The following ADAMTSL1 variants were observed in gnomAD, a reference collection of about 807,000 sequenced individuals.
ADAMTSL1 encodes ADAMTS-like protein 1.
A neutral mutation model predicts 201.8 loss-of-function variants in ADAMTSL1; 126 were observed. The ratio of observed to expected loss-of-function variants is 0.62; its 90% CI spans 0.54 to 0.72. The LOEUF (loss-of-function observed/expected upper bound fraction) is 0.72. Ranked by LOEUF, ADAMTSL1 falls within the 30% of genes least tolerant of loss-of-function variation. The pLI, the probability that ADAMTSL1 is intolerant of heterozygous loss-of-function variation, is 0.00. For missense variants in ADAMTSL1, 2,679 were observed against 2,277.8 expected (o/e 1.18, Z -3.59); for synonymous variants, 1,121 against 903.4 (o/e 1.24, Z -4.32).
intron 2 of ADAMTSL1, among the ~76,000 whole-genome samples, chr9:18,265,370 T>A (rs187731541): frequency 6.6e-5 from 10 of 152,334 alleles, no homozygotes; most frequent in Admixed American, 3.3e-4. Flanking sequence ...CAGTGCTTCC[T>A]ATCTATTCCT....
chr9:17,937,089 G>T (rs555918693), intron 1 of ADAMTSL1, among the ~76,000 whole-genome samples: 25 of 152,204 alleles, frequency 1.6e-4, no homozygotes, highest in Middle Eastern at 3.4e-3. Context: ...TGCTGTTGTT[G>T]GTGCCTCATC....
chr9:18,225,630 A>C (rs1563819615), intron 2 of ADAMTSL1, among the ~76,000 whole-genome samples: 1 of 152,152 alleles, frequency 6.6e-6, no homozygotes, highest in African/African-American at 2.4e-5. Context: ...CTTTTAGATA[A>C]CCTTCAGTTA....
At chr9:18,001,384 G>A (rs549468457) in intron 1 of ADAMTSL1, among the ~76,000 whole-genome samples, 4 of 151,680 alleles carry the variant, frequency 2.6e-5, no homozygotes, top group Admixed American at 1.3e-4. Flanking sequence ...TTAGATAAGA[G>A]ATTGGAACTG....
Position 18,039,661 on chromosome 9 carries a change from G to C in ADAMTSL1, c.88-124201G>C, listed in dbSNP as rs1258853422. Among the ~76,000 whole-genome samples the C allele has an allele frequency of 2.0e-5, 3 of 152,156 alleles. No homozygotes were observed. In the East Asian group the frequency reaches 5.8e-4, roughly 29 times the overall value. Reference sequence around the variant, plus strand: ...ATTTAGAAAATTTAGACTGGGAAAAGTCAAGTTAATGCTGTGGAGACATGC... The same window carrying C: ...ATTTAGAAAATTTAGACTGGGAAAACTCAAGTTAATGCTGTGGAGACATGC... On this transcript the variant is annotated intron_variant, in intron 1 of 29. Coordinates refer to the ADAMTSL1 transcript ENST00000680146.
At chr9:18,229,142 C>T (rs1159219640) in intron 2 of ADAMTSL1, among the ~76,000 whole-genome samples, 1 of 151,950 alleles carries the variant, frequency 6.6e-6, no homozygotes, top group Non-Finnish European at 1.5e-5. Context: ...AAAATTAGTC[C>T]CAGTATTATT....
chr9:18,627,872 A>T (rs574332487), intron 5 of ADAMTSL1, among the ~76,000 whole-genome samples: 4 of 152,296 alleles, frequency 2.6e-5, no homozygotes, highest in African/African-American at 9.6e-5. Flanking sequence ...TAGTCTACTT[A>T]CCACAGTGTG....
intron 1 of ADAMTSL1, among the ~76,000 whole-genome samples, chr9:18,071,304 G>C (rs558173671): frequency 6.6e-6 from 1 of 152,256 alleles, no homozygotes; most frequent in East Asian, 1.9e-4. Context: ...CATATCTATG[G>C]GAGTGCTTTA....
chr9:18,859,057 A>C (rs546549519), intron 23 of ADAMTSL1, among the ~76,000 whole-genome samples: 1 of 152,366 alleles, frequency 6.6e-6, no homozygotes, highest in East Asian at 1.9e-4. Context: ...TAGGTTGGTG[A>C]AGATGAAAAA....
At chr9:18,088,304 CAT>C (rs1367143426) in intron 1 of ADAMTSL1, among the ~76,000 whole-genome samples, 1 of 152,034 alleles carries the variant, frequency 6.6e-6, no homozygotes. Context: ...TAGAAGAAAA[CAT>C]AGAGGAAAGT....
chr9:18,006,918 TCG>T (rs1464331345), intron 1 of ADAMTSL1, among the ~76,000 whole-genome samples: 1 of 152,038 alleles, frequency 6.6e-6, no homozygotes, highest in Non-Finnish European at 1.5e-5. Context: ...GATCATTAGA[TCG>T]TTTGTCTAGA....
At chr9:18,283,496 C>T (rs533128617) in intron 2 of ADAMTSL1, among the ~76,000 whole-genome samples, 5 of 149,214 alleles carry the variant, frequency 3.4e-5, no homozygotes, top group Admixed American at 1.4e-4. Flanking sequence ...GTCACAGCTA[C>T]TTGGGAGGCT....
At chr9:18,527,916 C>T (rs1240618893) in intron 2 of ADAMTSL1, among the ~76,000 whole-genome samples, 6 of 152,094 alleles carry the variant, frequency 3.9e-5, no homozygotes, top group Admixed American at 2.6e-4. Context: ...CTTGCTCTGT[C>T]GCCCAGGCTG....
chr9:18,893,032 G>C (rs1829389333), intron 26 of ADAMTSL1, among the ~76,000 whole-genome samples: 2 of 151,502 alleles, frequency 1.3e-5, no homozygotes. Context: ...TCCCAGGTAA[G>C]TTGAAGCTAC....
chr9:18,382,889 A>G (rs1563925277), intron 2 of ADAMTSL1, among the ~76,000 whole-genome samples: 1 of 152,204 alleles, frequency 6.6e-6, no homozygotes, highest in Non-Finnish European at 1.5e-5. Context: ...TGATTTTCAG[A>G]TGCCAAATTG....
chr9:18,573,449 C>A (rs1334033213), intron 3 of ADAMTSL1: 1 of 155,946 alleles, frequency 6.4e-6, no homozygotes, highest in Non-Finnish European at 1.4e-5. Flanking sequence ...CTGCCTTAAG[C>A]CAAAGCAATT....
At chr9:18,199,414 A>G (rs11792492) in intron 2 of ADAMTSL1, among the ~76,000 whole-genome samples, 4,975 of 152,236 alleles carry the variant, frequency 0.033, 120 homozygotes, top group Non-Finnish European at 0.054. Context: ...AAGACAATTG[A>G]TCACTAAATG....
At chr9:18,532,653 G>C (rs1248424726) in intron 2 of ADAMTSL1, among the ~76,000 whole-genome samples, 2 of 151,676 alleles carry the variant, frequency 1.3e-5, no homozygotes, top group African/African-American at 2.4e-5. Flanking sequence ...TACTGGAAAG[G>C]ACTAAATAAA....
At chr9:18,545,678 C>T (rs1401220632) in intron 3 of ADAMTSL1, among the ~76,000 whole-genome samples, 3 of 152,094 alleles carry the variant, frequency 2.0e-5, no homozygotes, top group African/African-American at 7.2e-5. Flanking sequence ...CAATACTCCT[C>T]AGAATTTACT....
At chr9:18,217,758 C>G (rs1346788598) in intron 2 of ADAMTSL1, among the ~76,000 whole-genome samples, 1 of 152,190 alleles carries the variant, frequency 6.6e-6, no homozygotes, top group Admixed American at 6.5e-5. Context: ...CTGATGCTGG[C>G]TTCACTGGCA....
Sources: gnomAD v4.1 joint callset for allele counts (sites outside exome capture counted in the v4.1 genomes callset) on GRCh38, gnomAD v4.1.1 for gene constraint, MANE v1.5 for transcripts, NCBI Gene and HGNC (gene_info 2026-07-23, HGNC 2026-07-21) for gene names.